The following PRKCB variants were observed in gnomAD, a reference collection of about 807,000 sequenced individuals.
The protein encoded by PRKCB is protein kinase C beta, also known as protein kinase C beta type.
A neutral mutation model predicts 81.5 loss-of-function variants in PRKCB; 13 were observed. The ratio of observed to expected loss-of-function variants is 0.16; its 90% CI spans 0.10 to 0.25. The LOEUF is 0.25. Ranked by LOEUF, PRKCB falls within the 10% of genes least tolerant of loss-of-function variation. The pLI, the probability that PRKCB is intolerant of heterozygous loss-of-function variation, is 1.00. For synonymous variants in PRKCB, 335 were observed against 321.4 expected, an observed-to-expected ratio of 1.04 and a Z score of -0.45; for missense variants, 509 against 875.7, an observed-to-expected ratio of 0.58 and a Z score of 5.29.
At chr16:24,009,591 A>ATTTTT (rs143129853) in intron 3 of PRKCB, among the ~76,000 whole-genome samples, 40 of 148,216 alleles carry the variant, frequency 2.7e-4, no homozygotes, top group African/African-American at 9.9e-4. Flanking sequence ...CGCCCGGCCT[A>ATTTTT]TTTTTTTTTT....
chr16:23,942,494 G>A (rs1964151782), intron 2 of PRKCB, among the ~76,000 whole-genome samples: 1 of 152,180 alleles, frequency 6.6e-6, no homozygotes, highest in Admixed American at 6.5e-5. Flanking sequence ...GGCTTGATGA[G>A]GGCATTGAGA....
intron 2 of PRKCB, among the ~76,000 whole-genome samples, chr16:23,939,605 G>A (rs962390442): frequency 6.6e-6 from 1 of 152,168 alleles, no homozygotes; most frequent in African/African-American, 2.4e-5. Flanking sequence ...GTTCAATGGA[G>A]AAATGAATTT....
chr16:24,050,529 T>C (rs1379735025), intron 5 of PRKCB, among the ~76,000 whole-genome samples: 1 of 151,568 alleles, frequency 6.6e-6, no homozygotes, highest in Admixed American at 6.6e-5. Context: ...CACACACACA[T>C]TGCACAAACA....
chr16:23,881,220 G>A (rs904780477), intron 2 of PRKCB, among the ~76,000 whole-genome samples: 2 of 150,484 alleles, frequency 1.3e-5, no homozygotes, highest in African/African-American at 4.9e-5. Context: ...CATTGACAGG[G>A]CCCTGTGTTG....
At chr16:24,131,548 T>A (rs1408773610) in intron 9 of PRKCB, among the ~76,000 whole-genome samples, 1 of 152,264 alleles carries the variant, frequency 6.6e-6, no homozygotes, top group African/African-American at 2.4e-5. Flanking sequence ...ATTAGTCATT[T>A]ATGCACCTGT....
At chr16:23,986,960 A>G (rs1039977361) in intron 2 of PRKCB, among the ~76,000 whole-genome samples, 3 of 152,216 alleles carry the variant, frequency 2.0e-5, no homozygotes, top group African/African-American at 4.8e-5. Context: ...TAAGGATTCT[A>G]TAAGCAAAGA....
intron 13 of PRKCB, among the ~76,000 whole-genome samples, chr16:24,182,873 T>TTG (rs10524225): frequency 0.033 from 4,416 of 133,596 alleles, 92 homozygotes; most frequent in Non-Finnish European, 0.048. Flanking sequence ...ACATTGTTTC[T>TTG]TGTGTGTGTG....
intron 16 of PRKCB, among the ~76,000 whole-genome samples, chr16:24,205,145 CTTTT>C (rs71154289): frequency 1.7e-5 from 2 of 115,672 alleles, no homozygotes; most frequent in African/African-American, 3.2e-5. Context: ...ATTATAATTC[CTTTT>C]TTTTTTTTTT....
intron 7 of PRKCB, among the ~76,000 whole-genome samples, chr16:24,095,223 A>G (rs1966425534): frequency 6.6e-6 from 1 of 152,042 alleles, no homozygotes; most frequent in African/African-American, 2.4e-5. Context: ...AGTTTTACAC[A>G]CATAGAGCCA....
chr16:23,928,072 T>C (rs1963920617), intron 2 of PRKCB, among the ~76,000 whole-genome samples: 1 of 152,034 alleles, frequency 6.6e-6, no homozygotes, highest in Non-Finnish European at 1.5e-5. Flanking sequence ...GAAATACTCT[T>C]GAAATATATA....
chr16:24,162,910 G>C (rs61399624), intron 10 of PRKCB, among the ~76,000 whole-genome samples: 3,177 of 152,312 alleles, frequency 0.021, 95 homozygotes, highest in African/African-American at 0.072. Context: ...AGACAAAGGT[G>C]TACCTGGGCC....
intron 2 of PRKCB, among the ~76,000 whole-genome samples, chr16:23,956,184 T>A (rs1157416189): frequency 1.3e-5 from 2 of 152,144 alleles, no homozygotes; most frequent in African/African-American, 4.8e-5. Context: ...TGCAGTGGTG[T>A]GATCTCAGCT....
intron 9 of PRKCB, among the ~76,000 whole-genome samples, chr16:24,136,021 G>A (rs143364822): frequency 6.6e-6 from 1 of 151,030 alleles, no homozygotes; most frequent in South Asian, 2.1e-4. Context: ...TGGTTCTATC[G>A]CAATTATGTC....
chr16:24,169,140 C>A (rs1037946520), intron 10 of PRKCB, among the ~76,000 whole-genome samples: 2 of 152,206 alleles, frequency 1.3e-5, no homozygotes, highest in East Asian at 3.9e-4. Flanking sequence ...TCTTGCCAAG[C>A]CTCCCCAGTA....
intron 3 of PRKCB, among the ~76,000 whole-genome samples, chr16:23,995,161 C>T (rs184646300): frequency 8.5e-5 from 13 of 152,236 alleles, no homozygotes; most frequent in East Asian, 3.9e-4. Context: ...CTTCTACATC[C>T]GAGAAAGAGA....
intron 2 of PRKCB, among the ~76,000 whole-genome samples, chr16:23,850,090 T>A (rs1405822394): frequency 1.3e-5 from 2 of 152,218 alleles, no homozygotes; most frequent in Non-Finnish European, 2.9e-5. Context: ...GTTTCTGGCT[T>A]ATTTTACTTA....
chr16:23,914,733 G>A (rs1340732117), intron 2 of PRKCB, among the ~76,000 whole-genome samples: 1 of 152,162 alleles, frequency 6.6e-6, no homozygotes, highest in Non-Finnish European at 1.5e-5. Flanking sequence ...GTGCCCAATC[G>A]ATTTCACTCA....
intron 2 of PRKCB, among the ~76,000 whole-genome samples, chr16:23,865,908 C>T (rs3826260): frequency 0.17 from 26,545 of 151,792 alleles, 2,864 homozygotes; most frequent in East Asian, 0.33. Flanking sequence ...TTTGTGTTTC[C>T]ACTCTCCATC....
intron 13 of PRKCB, among the ~76,000 whole-genome samples, chr16:24,184,739 T>C (rs1007095420): frequency 6.6e-6 from 1 of 152,250 alleles, no homozygotes; most frequent in African/African-American, 2.4e-5. Flanking sequence ...ACATGTAACG[T>C]AAAATTTACT....
Sources: allele counts gnomAD v4.1 joint callset (sites outside exome capture counted in the v4.1 genomes callset), GRCh38; gene constraint gnomAD v4.1.1; transcripts MANE v1.5; gene names NCBI Gene and HGNC (gene_info 2026-07-23, HGNC 2026-07-21).